Variants in HS6ST3 observed in about 807,000 individuals in gnomAD.
HS6ST3 encodes heparan sulfate 6-O-sulfotransferase 3.
A neutral mutation model predicts 36.7 loss-of-function variants in HS6ST3; 12 were observed. That is an observed-to-expected ratio of 0.33 (90% confidence interval 0.21 to 0.53). The LOEUF is 0.53. Among genes scored for constraint, HS6ST3 ranks in the 20% least tolerant of loss-of-function variants. The pLI, the probability that HS6ST3 is intolerant of heterozygous loss-of-function variation, is 0.95. For synonymous variants in HS6ST3, 240 were observed against 257.5 expected, an observed-to-expected ratio of 0.93 and a Z score of 0.65; for missense variants, 584 against 640.9, an observed-to-expected ratio of 0.91 and a Z score of 0.96.
chr13:96,165,093 C>G (rs1240967976), intron 1 of HS6ST3, among the ~76,000 whole-genome samples: 3 of 152,018 alleles, frequency 2.0e-5, no homozygotes, highest in Non-Finnish European at 4.4e-5. Flanking sequence ...AAAAAATTAA[C>G]TTTAAAACTT....
intron 1 of HS6ST3, among the ~76,000 whole-genome samples, chr13:96,820,083 A>T (rs553016106): frequency 7.0e-6 from 1 of 143,110 alleles, no homozygotes; most frequent in South Asian, 2.2e-4. Context: ...CTCAAAAAAT[A>T]AAAAAAAAAA....
At chr13:96,508,487 A>G (rs1051063669) in intron 1 of HS6ST3, among the ~76,000 whole-genome samples, 5 of 152,096 alleles carry the variant, frequency 3.3e-5, no homozygotes, top group South Asian at 2.1e-4. Context: ...AGTAGTGTAC[A>G]TCGTACCTAA....
At chr13:96,159,535 C>T (rs1291012885) in intron 1 of HS6ST3, among the ~76,000 whole-genome samples, 1 of 152,148 alleles carries the variant, frequency 6.6e-6, no homozygotes, top group African/African-American at 2.4e-5. Flanking sequence ...AATCAATATC[C>T]AGACTGTCTG....
intron 1 of HS6ST3, among the ~76,000 whole-genome samples, chr13:96,236,737 C>T (rs2054536416): frequency 6.6e-6 from 1 of 152,136 alleles, no homozygotes; most frequent in Non-Finnish European, 1.5e-5. Flanking sequence ...CAGTCAGCAC[C>T]AAACTGCTAT....
At chr13:96,549,863 C>A (rs2056212762) in intron 1 of HS6ST3, among the ~76,000 whole-genome samples, 1 of 152,064 alleles carries the variant, frequency 6.6e-6, no homozygotes, top group South Asian at 2.1e-4. Context: ...AGTGCTTCCA[C>A]TCAATGGTGT....
intron 1 of HS6ST3, among the ~76,000 whole-genome samples, chr13:96,746,775 T>C (rs538924335): frequency 4.8e-4 from 73 of 152,244 alleles, no homozygotes; most frequent in African/African-American, 1.8e-3. Flanking sequence ...AATGGTATTA[T>C]ATCTTTTGAT....
intron 1 of HS6ST3, among the ~76,000 whole-genome samples, chr13:96,251,129 A>C (rs1185482106): frequency 3.3e-5 from 5 of 152,138 alleles, no homozygotes; most frequent in African/African-American, 1.2e-4. Flanking sequence ...CCTTCTCTTC[A>C]ATTTCTTTGG....
chr13:96,580,650 T>A (rs2056338666), intron 1 of HS6ST3, among the ~76,000 whole-genome samples: 1 of 152,156 alleles, frequency 6.6e-6, no homozygotes, highest in South Asian at 2.1e-4. Context: ...CTTTAGAACC[T>A]CTCTTTAAAT....
intron 1 of HS6ST3, among the ~76,000 whole-genome samples, chr13:96,319,733 A>G (rs898679252): frequency 6.6e-6 from 1 of 152,232 alleles, no homozygotes; most frequent in African/African-American, 2.4e-5. Context: ...ACTAGAAGCA[A>G]TATTTAACAA....
chr13:96,754,882 G>A (rs888742676), intron 1 of HS6ST3, among the ~76,000 whole-genome samples: 1 of 151,944 alleles, frequency 6.6e-6, no homozygotes, highest in African/African-American at 2.4e-5. Flanking sequence ...CATTATAGGT[G>A]TAACGTACAT....
At chr13:96,641,067 G>GT (rs1042270774) in intron 1 of HS6ST3, among the ~76,000 whole-genome samples, 1 of 151,670 alleles carries the variant, frequency 6.6e-6, no homozygotes. Flanking sequence ...TTTTAGAATA[G>GT]TTTTTTTTCC....
intron 1 of HS6ST3, among the ~76,000 whole-genome samples, chr13:96,794,954 A>G (rs971040339): frequency 6.6e-6 from 1 of 152,054 alleles, no homozygotes; most frequent in African/African-American, 2.4e-5. Context: ...CATTGTAGCA[A>G]TGCTTTTTCC....
At chr13:96,092,622 G>A (rs906853310) in intron 1 of HS6ST3, among the ~76,000 whole-genome samples, 3 of 152,146 alleles carry the variant, frequency 2.0e-5, no homozygotes, top group Non-Finnish European at 4.4e-5. Context: ...TTTGGTATGA[G>A]GAAATAGGAA....
intron 1 of HS6ST3, among the ~76,000 whole-genome samples, chr13:96,683,483 T>A (rs1452487120): frequency 1.3e-5 from 2 of 152,122 alleles, no homozygotes; most frequent in East Asian, 3.9e-4. Context: ...GCAGGTATTA[T>A]TTCATCATTG....
chr13:96,147,415 A>G (rs1040706498), intron 1 of HS6ST3, among the ~76,000 whole-genome samples: 1 of 152,136 alleles, frequency 6.6e-6, no homozygotes, highest in Non-Finnish European at 1.5e-5. Context: ...ACTAACCATC[A>G]TTCTGCAGCA....
At chr13:96,099,083 A>G in intron 1 of HS6ST3, among the ~76,000 whole-genome samples, 1 of 152,036 alleles carries the variant, frequency 6.6e-6, no homozygotes, top group Non-Finnish European at 1.5e-5. Flanking sequence ...AGCTGGGATT[A>G]AAGGCGCCCA....
chr13:96,102,789 C>T (rs1417830192), intron 1 of HS6ST3, among the ~76,000 whole-genome samples: 4 of 152,166 alleles, frequency 2.6e-5, no homozygotes, highest in African/African-American at 9.7e-5. Context: ...GCTGTCCCTG[C>T]ACTTTCGCAA....
At chr13:96,616,551 A>G (rs1213494780) in intron 1 of HS6ST3, among the ~76,000 whole-genome samples, 2 of 152,166 alleles carry the variant, frequency 1.3e-5, no homozygotes, top group Non-Finnish European at 2.9e-5. Flanking sequence ...AAAACATTCT[A>G]ACCAGGGCCC....
At chr13:96,096,395 G>T (rs1029454059) in intron 1 of HS6ST3, among the ~76,000 whole-genome samples, 5 of 152,220 alleles carry the variant, frequency 3.3e-5, no homozygotes, top group Non-Finnish European at 7.4e-5. Flanking sequence ...TACTGATGTT[G>T]TAAAAGGAAT....
Sources: allele counts gnomAD v4.1 joint callset (sites outside exome capture counted in the v4.1 genomes callset), GRCh38; gene constraint gnomAD v4.1.1; transcripts MANE v1.5; gene names NCBI Gene and HGNC (gene_info 2026-07-23, HGNC 2026-07-21).